The following CCND3 variants were observed in gnomAD, a reference collection of about 807,000 sequenced individuals.
CCND3 encodes the protein G1/S-specific cyclin-D3.
CCND3 carries 9 observed loss-of-function variants against 28.7 expected under a neutral mutation model. The ratio of observed to expected loss-of-function variants is 0.31; its 90% CI spans 0.19 to 0.55. The LOEUF (loss-of-function observed/expected upper bound fraction) is 0.55. Ranked by LOEUF, CCND3 falls within the 20% of genes least tolerant of loss-of-function variation. The pLI, the probability that CCND3 is intolerant of heterozygous loss-of-function variation, is 0.93. For missense variants in CCND3, 315 were observed against 385.8 expected, an observed-to-expected ratio of 0.82 and a Z score of 1.54; for synonymous variants, 164 against 163.9, an observed-to-expected ratio of 1.00 and a Z score of 0.00.
chr6:41,945,099 G>A (rs1776135997), upstream of CCND3, among the ~76,000 whole-genome samples: 1 of 152,098 alleles, frequency 6.6e-6, no homozygotes, highest in Non-Finnish European at 1.5e-5. Flanking sequence ...GGTACATCCA[G>A]TTAGAAAAAG....
chr6:41,987,364 C>CT (rs1762507624), intron 1 of CCND3, among the ~76,000 whole-genome samples: 1 of 151,858 alleles, frequency 6.6e-6, no homozygotes, highest in African/African-American at 2.4e-5. Context: ...AGACTGGGTG[C>CT]TTATACAAGC....
chr6:41,968,740 T>C (rs1283135292), intron 1 of CCND3, among the ~76,000 whole-genome samples: 2 of 152,226 alleles, frequency 1.3e-5, no homozygotes, highest in African/African-American at 4.8e-5. Context: ...CATTTCAAAA[T>C]CTAAATATTC....
In CCND3 at chr6:41,937,284, C is replaced by G; in HGVS notation, c.525G>C (p.Gln175His). Residue 175 changes from glutamine to histidine, a missense_variant, in exon 3 of 5, where the codon CAG (glutamine) becomes CAC (histidine). Coordinates refer to ENST00000372991, the MANE Select transcript of CCND3 (RefSeq NM_001760.5). ...TCTGGGCATGCTTTTTGACCAAGGCCTGTCGGTCACGGGGCAGAGAGAGCC... is the reference window on the plus strand; with the variant it reads ...TCTGGGCATGCTTTTTGACCAAGGCGTGTCGGTCACGGGGCAGAGAGAGCC... ...LHRLSLPRDRQALVKKHAQTF... is the reference protein window; with the variant it reads ...LHRLSLPRDRHALVKKHAQTF... 6.2e-7 allele frequency: 1 copy of G among 1,614,182 alleles called. No homozygotes were observed. Among genetic ancestry groups the G allele is most frequent in the Non-Finnish European group, 8.5e-7 (1 of 1,180,042 alleles).
rs975321942 is a variant in CCND3 at position 42,048,840 on chromosome 6, G to T, written c.-385C>A. On this transcript the variant is annotated 5_prime_UTR_variant, in exon 1 of 5. Transcript: ENST00000372988. This position sits in a 1 kb window ranked among gnomAD's most constrained non-coding sequence, Gnocchi z 4.7. ...TGTACACCCTCGGCGAGGCCAGGAG[G>T]CTCATCCGGCGCCGCGCACCCCCGC... 2 of 331,814 alleles carry T rather than the reference G, an allele frequency of 6.0e-6. No homozygotes were observed. The highest frequency in any genetic ancestry group is 1.2e-5 in the Non-Finnish European group (2 of 172,960). The allele number at this position is 331,814 out of a possible 1,614,324, so 20.6% of individuals were successfully genotyped here.
intron 1 of CCND3, among the ~76,000 whole-genome samples, chr6:41,965,867 C>G (rs191356669): frequency 4.0e-4 from 61 of 152,308 alleles, no homozygotes; most frequent in African/African-American, 1.4e-3. Flanking sequence ...GCTTGCATAT[C>G]TTTGTCTGAC....
chr6:41,940,519 G>A lies in CCND3; in HGVS notation c.265C>T (p.Leu89=). 1 of 1,614,050 alleles carries A rather than the reference G, an allele frequency of 6.2e-7. No homozygotes were observed. The highest frequency in any genetic ancestry group is 1.1e-5 in the South Asian group (1 of 91,078). Residue 89 remains leucine (L), a synonymous_variant, in exon 2 of 5, where the codon CTG becomes TTG. Coordinates refer to ENST00000372991, the MANE Select transcript of CCND3 (RefSeq NM_001760.5). The stretch of plus-strand genomic sequence containing the variant: ...GCCTTTCGGGTGGGGACGCAAGACA[G>A]GTAGCGATCCAGGTAGTTCATGGCC... ...PLAMNYLDRY[L]SCVPTRKAQL...
intron 1 of CCND3, among the ~76,000 whole-genome samples, chr6:42,020,781 C>T (rs1246694486): frequency 6.6e-6 from 1 of 152,144 alleles, no homozygotes; most frequent in Non-Finnish European, 1.5e-5. Flanking sequence ...GACGGAGTTT[C>T]GCTCTTATTG....
chr6:42,019,407 T>C (rs1763632271), intron 1 of CCND3, among the ~76,000 whole-genome samples: 1 of 146,878 alleles, frequency 6.8e-6, no homozygotes, highest in African/African-American at 2.5e-5. Context: ...GAGAATTGCT[T>C]GAACCCGGGA....
intron 1 of CCND3, among the ~76,000 whole-genome samples, chr6:41,996,125 T>TA (rs1266789447): frequency 4.4e-4 from 11 of 24,728 alleles, no homozygotes; most frequent in African/African-American, 1.3e-3. Context: ...ATATATATAA[T>TA]ATATATATAT....
At position 41,940,572 on chromosome 6, in the gene CCND3, T is replaced by C. The variant is rs1326014778; in HGVS notation, c.212A>G (p.Gln71Arg). ...AYWMLEVCEE[Q>R]RCEEEVFPLA... The stretch of plus-strand genomic sequence containing the variant: ...GGGGAAGACTTCCTCCTCACAGCGC[T>C]GCTCCTCACATACCTGGGGGAGGGC... The change falls in exon 2 of 5, where the codon CAG becomes CGG. Residue 71 changes from glutamine (Q) to arginine (R), a missense_variant. By Grantham distance (43) the Gln-to-Arg change is conservative. Transcript: ENST00000372991. The C allele has an allele frequency of 6.3e-7, 1 of 1,579,794 alleles. No individual in the cohort carries two copies. The highest frequency in any genetic ancestry group is 8.6e-7 in the Non-Finnish European group (1 of 1,161,318).
At chr6:41,999,344 G>A (rs1031773988) in intron 1 of CCND3, among the ~76,000 whole-genome samples, 2 of 152,074 alleles carry the variant, frequency 1.3e-5, no homozygotes, top group Non-Finnish European at 2.9e-5. Flanking sequence ...CGCCTCCTGG[G>A]TTCAAGTGAT....
chr6:41,989,933 A>G (rs1315139078), intron 1 of CCND3, among the ~76,000 whole-genome samples: 1 of 152,180 alleles, frequency 6.6e-6, no homozygotes, highest in Non-Finnish European at 1.5e-5. Context: ...GCTGTCCTTC[A>G]GTAGGTGAAT....
rs1776040643 is a variant in CCND3, at chr6:41,941,786, CG to C, written c.-138del. On this transcript the variant is annotated 5_prime_UTR_variant, in exon 1 of 5. Transcript: ENST00000372991. The surrounding 1 kb of genome is among the most constrained non-coding windows in gnomAD (Gnocchi z 6.1). ...GGATCCCCAGCCCGCCCGCCGCCCG[CG>C]CGCGCGCGCCGCTTCCCTGACAGGC... 4.5e-6 allele frequency: 1 copy of C among 223,984 alleles called. No homozygotes were observed. Among genetic ancestry groups the C allele is most frequent in the Non-Finnish European group, 6.2e-6 (1 of 160,926 alleles). The allele number at this position is 223,984 out of a possible 1,614,324, so 13.9% of individuals were successfully genotyped here. A position where few individuals can be genotyped will look rare whatever the true frequency, so the allele number is the denominator to read the frequency against.
intron 1 of CCND3, among the ~76,000 whole-genome samples, chr6:41,956,610 T>G (rs974510598): frequency 6.6e-6 from 1 of 152,262 alleles, no homozygotes; most frequent in Non-Finnish European, 1.5e-5. Flanking sequence ...AGGAATCTGA[T>G]AGCATGATCT....
chr6:42,016,584 TA>T (rs1561988529), intron 1 of CCND3, among the ~76,000 whole-genome samples: 1 of 8,854 alleles, frequency 1.1e-4, no homozygotes, highest in African/African-American at 1.7e-4. Flanking sequence ...CTGCTATTAC[TA>T]TCTATTACTT....
chr6:42,037,024 C>T (rs768769872), intron 1 of CCND3, among the ~76,000 whole-genome samples: 6 of 151,696 alleles, frequency 4.0e-5, no homozygotes, highest in East Asian at 1.9e-4. Context: ...CTGCAAGCTC[C>T]GCCTCTCGGG....
chr6:42,043,498 T>A (rs1227374055), intron 1 of CCND3, among the ~76,000 whole-genome samples: 1 of 152,164 alleles, frequency 6.6e-6, no homozygotes, highest in Admixed American at 6.5e-5. Context: ...GCCAATGCAC[T>A]CCAGCCGGGG....
At chr6:42,019,839 T>A (rs1211142725) in intron 1 of CCND3, among the ~76,000 whole-genome samples, 1 of 152,188 alleles carries the variant, frequency 6.6e-6, no homozygotes, top group African/African-American at 2.4e-5. Flanking sequence ...TAACAATTTT[T>A]AAATTAATAA....
At chr6:41,958,666 C>T (rs765610334) in intron 1 of CCND3, among the ~76,000 whole-genome samples, 6 of 152,158 alleles carry the variant, frequency 3.9e-5, no homozygotes, top group Non-Finnish European at 7.3e-5. Context: ...TTTGACTCAT[C>T]ATGTGGCCAG....
Sources: allele counts gnomAD v4.1 joint callset (sites outside exome capture counted in the v4.1 genomes callset), GRCh38; gene constraint gnomAD v4.1.1; non-coding constraint Gnocchi (gnomAD v3.1); transcripts MANE v1.5; gene names NCBI Gene and HGNC (gene_info 2026-07-23, HGNC 2026-07-21).